The following FRMD5 variants were observed in gnomAD, a reference collection of about 807,000 sequenced individuals.
The protein encoded by FRMD5 is FERM domain containing 5.
Under a neutral mutation model 69.0 loss-of-function variants are expected in FRMD5, and 20 were observed. The observed-to-expected ratio is 0.29, with a 90% confidence interval of 0.20 to 0.42. The LOEUF (loss-of-function observed/expected upper bound fraction) is 0.42, where lower values mean the gene tolerates loss of function less well. Ranked by LOEUF, FRMD5 falls within the 10% of genes least tolerant of loss-of-function variation. The pLI, the probability that FRMD5 is intolerant of heterozygous loss-of-function variation, is 1.00. For missense variants in FRMD5, 595 were observed against 708.6 expected (o/e 0.84, Z 1.82); for synonymous variants, 271 against 260.1 (o/e 1.04, Z -0.40).
At chr15:43,934,576 C>G (rs77212051) in intron 1 of FRMD5, among the ~76,000 whole-genome samples, 6,694 of 152,198 alleles carry the variant, frequency 0.044, 442 homozygotes, top group African/African-American at 0.14. Flanking sequence ...TAAACAGAAT[C>G]CATTCAATTT....
At chr15:44,082,796 T>C (rs984033757) in intron 1 of FRMD5, among the ~76,000 whole-genome samples, 1 of 151,992 alleles carries the variant, frequency 6.6e-6, no homozygotes. Context: ...AGATAAGATA[T>C]GAAACACTAG....
chr15:44,017,205 G>A (rs989958725), intron 1 of FRMD5, among the ~76,000 whole-genome samples: 2 of 152,038 alleles, frequency 1.3e-5, no homozygotes, highest in African/African-American at 4.8e-5. Flanking sequence ...GGGCCTGGTG[G>A]TGGGCGCCTG....
At chr15:44,068,254 G>A (rs962801214) in intron 1 of FRMD5, among the ~76,000 whole-genome samples, 3 of 152,182 alleles carry the variant, frequency 2.0e-5, no homozygotes, top group East Asian at 3.9e-4. Context: ...ATACCCAAGA[G>A]AAATGAAAAC....
intron 1 of FRMD5, among the ~76,000 whole-genome samples, chr15:43,934,464 T>A (rs1357174864): frequency 2.0e-5 from 3 of 152,194 alleles, no homozygotes; most frequent in Admixed American, 2.0e-4. Flanking sequence ...TTTTTTTCTT[T>A]AAAAAGGATA....
chr15:44,092,827 T>C (rs1329705683), intron 1 of FRMD5, among the ~76,000 whole-genome samples: 1 of 152,164 alleles, frequency 6.6e-6, no homozygotes, highest in East Asian at 1.9e-4. Context: ...ATAAAGTCTT[T>C]CGCTGACCCC....
intron 13 of FRMD5, among the ~76,000 whole-genome samples, chr15:43,874,934 T>G (rs1246309823): frequency 6.6e-6 from 1 of 151,144 alleles, no homozygotes; most frequent in Non-Finnish European, 1.5e-5. Flanking sequence ...GCGTGGTGCC[T>G]CATGCCTGTA....
intron 1 of FRMD5, among the ~76,000 whole-genome samples, chr15:44,172,870 T>C (rs938086470): frequency 6.6e-6 from 1 of 152,192 alleles, no homozygotes; most frequent in Non-Finnish European, 1.5e-5. Context: ...TTGACAACCT[T>C]ACCAGCTTCA....
At chr15:43,984,620 A>T (rs1889295278) in intron 1 of FRMD5, among the ~76,000 whole-genome samples, 1 of 152,228 alleles carries the variant, frequency 6.6e-6, no homozygotes, top group South Asian at 2.1e-4. Flanking sequence ...AAATCACCAC[A>T]GGAGAGTTTG....
At chr15:44,037,469 CTTTTT>C (rs777164587) in intron 1 of FRMD5, among the ~76,000 whole-genome samples, 4 of 137,544 alleles carry the variant, frequency 2.9e-5, no homozygotes, top group Admixed American at 7.3e-5. Context: ...TGTCTTTTCT[CTTTTT>C]TTTTTTTTTT....
intron 1 of FRMD5, among the ~76,000 whole-genome samples, chr15:43,981,132 C>T (rs1052666754): frequency 1.3e-5 from 2 of 152,112 alleles, no homozygotes; most frequent in African/African-American, 4.8e-5. Flanking sequence ...CTTCATGCCT[C>T]AGCCTCCCAA....
chr15:43,964,756 T>G (rs1566866460), intron 1 of FRMD5, among the ~76,000 whole-genome samples: 1 of 152,184 alleles, frequency 6.6e-6, no homozygotes, highest in Non-Finnish European at 1.5e-5. Context: ...TATTCTCAAG[T>G]ATTGACAACA....
At chr15:44,157,489 A>G (rs2077547052) in intron 1 of FRMD5, among the ~76,000 whole-genome samples, 1 of 152,196 alleles carries the variant, frequency 6.6e-6, no homozygotes, top group Non-Finnish European at 1.5e-5. Context: ...TATTCACATA[A>G]TACTTCATAT....
chr15:43,997,735 C>A (rs116945600), intron 1 of FRMD5, among the ~76,000 whole-genome samples: 10 of 152,152 alleles, frequency 6.6e-5, no homozygotes, highest in Non-Finnish European at 8.8e-5. Context: ...AAAGGAAACA[C>A]GTCTATCTAT....
At chr15:44,135,108 A>G (rs932676480) in intron 1 of FRMD5, among the ~76,000 whole-genome samples, 11 of 152,226 alleles carry the variant, frequency 7.2e-5, no homozygotes, top group African/African-American at 2.7e-4. Flanking sequence ...CATTTCTAAA[A>G]AAGTTTGAAT....
chr15:44,163,265 G>C (rs936404872), intron 1 of FRMD5, among the ~76,000 whole-genome samples: 1 of 152,216 alleles, frequency 6.6e-6, no homozygotes, highest in African/African-American at 2.4e-5. Context: ...TATTAAGGAA[G>C]TGTTAAAAAT....
intron 1 of FRMD5, among the ~76,000 whole-genome samples, chr15:44,170,062 C>T (rs1303002399): frequency 6.6e-6 from 1 of 152,044 alleles, no homozygotes; most frequent in African/African-American, 2.4e-5. Context: ...ATACAGATTT[C>T]CCAAAACCTA....
chr15:44,172,223 T>G (rs1229226562), intron 1 of FRMD5, among the ~76,000 whole-genome samples: 1 of 151,824 alleles, frequency 6.6e-6, no homozygotes, highest in Non-Finnish European at 1.5e-5. Flanking sequence ...CCTGAGTAGC[T>G]GGGACCACAG....
intron 1 of FRMD5, among the ~76,000 whole-genome samples, chr15:44,027,348 A>G (rs1259575984): frequency 6.6e-6 from 1 of 152,210 alleles, no homozygotes; most frequent in African/African-American, 2.4e-5. Flanking sequence ...CAAAAAAACT[A>G]GAGGTTAGAA....
At chr15:44,114,945 C>T (rs1350122398) in intron 1 of FRMD5, among the ~76,000 whole-genome samples, 1 of 152,066 alleles carries the variant, frequency 6.6e-6, no homozygotes, top group Admixed American at 6.5e-5. Context: ...GGAATGTGGA[C>T]CCAAAGTTGT....
Sources: allele counts gnomAD v4.1 joint callset (sites outside exome capture counted in the v4.1 genomes callset), GRCh38; gene constraint gnomAD v4.1.1; transcripts MANE v1.5; gene names NCBI Gene and HGNC (gene_info 2026-07-23, HGNC 2026-07-21).